AGMO: variants seen among roughly 807,000 people sequenced by gnomAD.
AGMO encodes alkylglycerol monooxygenase.
Under a neutral mutation model 60.2 loss-of-function variants are expected in AGMO, and 75 were observed. The ratio of observed to expected loss-of-function variants is 1.25; its 90% CI spans 1.03 to 1.51. The LOEUF is 1.51. Among genes scored for constraint, AGMO ranks in the 40% most tolerant of loss-of-function variants. The pLI, the probability that AGMO is intolerant of heterozygous loss-of-function variation, is 0.00. For missense variants in AGMO, 763 were observed against 525.5 expected, an observed-to-expected ratio of 1.45 and a Z score of -4.42; for synonymous variants, 261 against 177.1, an observed-to-expected ratio of 1.47 and a Z score of -3.76.
At chr7:15,222,012 TATTC>T (rs1189842967) in intron 12 of AGMO, among the ~76,000 whole-genome samples, 1 of 152,184 alleles carries the variant, frequency 6.6e-6, no homozygotes, top group Non-Finnish European at 1.5e-5. Flanking sequence ...TATGATTAGT[TATTC>T]AGTTTGGAGA....
intron 12 of AGMO, among the ~76,000 whole-genome samples, chr7:15,346,176 C>A (rs929708427): frequency 2.0e-5 from 3 of 152,094 alleles, no homozygotes; most frequent in African/African-American, 2.4e-5. Flanking sequence ...AAACAGGCAT[C>A]TCAAACTGCA....
chr7:15,427,183 G>A (rs911625662), intron 4 of AGMO, among the ~76,000 whole-genome samples: 4 of 152,138 alleles, frequency 2.6e-5, no homozygotes, highest in Admixed American at 6.6e-5. Context: ...GTCTACTGTT[G>A]ATGGCTCATT....
At chr7:15,532,208 TTGG>T (rs1444958176) in intron 3 of AGMO, among the ~76,000 whole-genome samples, 1 of 152,220 alleles carries the variant, frequency 6.6e-6, no homozygotes, top group Non-Finnish European at 1.5e-5. Context: ...ACCAAAATAG[TTGG>T]TGATTTATAT....
At chr7:15,291,638 G>T (rs935137368) in intron 12 of AGMO, among the ~76,000 whole-genome samples, 2 of 152,050 alleles carry the variant, frequency 1.3e-5, no homozygotes, top group Non-Finnish European at 2.9e-5. Flanking sequence ...GCTTTTTGAT[G>T]CTAAGAACCC....
At chr7:15,375,136 A>G (rs949106993) in intron 10 of AGMO, among the ~76,000 whole-genome samples, 4 of 152,074 alleles carry the variant, frequency 2.6e-5, no homozygotes, top group Admixed American at 1.3e-4. Flanking sequence ...ACAGTTGCCA[A>G]AAGAGTCTGT....
chr7:15,252,527 C>T (rs1476522347), intron 12 of AGMO, among the ~76,000 whole-genome samples: 2 of 152,156 alleles, frequency 1.3e-5, no homozygotes, highest in Non-Finnish European at 2.9e-5. Flanking sequence ...AGGGCAAACT[C>T]CAGCCAAGCA....
intron 12 of AGMO, among the ~76,000 whole-genome samples, chr7:15,357,755 G>A (rs1294360253): frequency 1.3e-5 from 2 of 152,276 alleles, no homozygotes; most frequent in African/African-American, 2.4e-5. Context: ...TTCCACATTC[G>A]CTTTTATCTG....
intron 3 of AGMO, among the ~76,000 whole-genome samples, chr7:15,529,591 T>C (rs1361417214): frequency 6.1e-5 from 5 of 81,864 alleles, no homozygotes; most frequent in South Asian, 7.2e-4. Context: ...ATATAGTATA[T>C]AAACTCTATA....
chr7:15,449,202 A>G, intron 3 of AGMO, among the ~76,000 whole-genome samples: 1 of 152,284 alleles, frequency 6.6e-6, no homozygotes, highest in African/African-American at 2.4e-5. Flanking sequence ...ATTATTTATA[A>G]TGAAGTTCAA....
the AGMO span, among the ~76,000 whole-genome samples, chr7:15,195,045 T>C: frequency 6.6e-6 from 1 of 152,170 alleles, no homozygotes; most frequent in East Asian, 1.9e-4. Flanking sequence ...TGTATGGACA[T>C]CTTTTACATT....
chr7:15,309,050 C>G (rs965214075), intron 12 of AGMO, among the ~76,000 whole-genome samples: 4 of 152,092 alleles, frequency 2.6e-5, no homozygotes, highest in African/African-American at 9.7e-5. Flanking sequence ...TGGGCTGAAA[C>G]CATTTGCTCC....
chr7:15,435,125 G>A (rs1349689544), intron 3 of AGMO, among the ~76,000 whole-genome samples: 2 of 151,970 alleles, frequency 1.3e-5, no homozygotes. Flanking sequence ...ATGAGTTGAA[G>A]AACATTTCAG....
intron 12 of AGMO, among the ~76,000 whole-genome samples, chr7:15,203,169 G>C (rs1309352641): frequency 1.3e-5 from 2 of 152,060 alleles, no homozygotes; most frequent in African/African-American, 4.8e-5. Context: ...AGTTTTCGGA[G>C]TATTCTCATA....
intron 3 of AGMO, among the ~76,000 whole-genome samples, chr7:15,448,549 G>T (rs1266356233): frequency 1.3e-5 from 2 of 151,666 alleles, no homozygotes; most frequent in Non-Finnish European, 2.9e-5. Flanking sequence ...TCAAGTAAAA[G>T]CTTTAAGCAT....
intron 12 of AGMO, among the ~76,000 whole-genome samples, chr7:15,353,580 T>A (rs931563636): frequency 6.6e-6 from 1 of 152,216 alleles, no homozygotes; most frequent in Non-Finnish European, 1.5e-5. Context: ...TTTAAAATAC[T>A]TTTTTAAAAA....
At chr7:15,201,674 A>T (rs1470062653) in intron 12 of AGMO, among the ~76,000 whole-genome samples, 1 of 152,200 alleles carries the variant, frequency 6.6e-6, no homozygotes, top group African/African-American at 2.4e-5. Flanking sequence ...ATTTGGAGAT[A>T]CAGCATGCTG....
At chr7:15,418,752 T>TGC in intron 4 of AGMO, 99 bp from the exon 5 acceptor site, 2 of 710,762 alleles carry the variant, frequency 2.8e-6, no homozygotes, top group Non-Finnish European at 4.7e-6. Context: ...TTAGGAAATA[T>TGC]ATCTCATACT....
At chr7:15,310,252 G>A (rs987798735) in intron 12 of AGMO, among the ~76,000 whole-genome samples, 1 of 152,120 alleles carries the variant, frequency 6.6e-6, no homozygotes, top group African/African-American at 2.4e-5. Context: ...TGTAGTAAAT[G>A]ATCAAAGCTG....
At chr7:15,406,344 A>G (rs1423965699) in intron 5 of AGMO, among the ~76,000 whole-genome samples, 1 of 146,170 alleles carries the variant, frequency 6.8e-6, no homozygotes, top group East Asian at 2.0e-4. Context: ...ATACATATAT[A>G]TGTGTATATA....
Sources: gnomAD v4.1 joint callset for allele counts (sites outside exome capture counted in the v4.1 genomes callset) on GRCh38, gnomAD v4.1.1 for gene constraint, MANE v1.5 for transcripts, NCBI Gene and HGNC (gene_info 2026-07-23, HGNC 2026-07-21) for gene names.